RHCG: variants seen among roughly 807,000 people sequenced by gnomAD.
The protein encoded by RHCG is ammonium transporter Rh type C.
A neutral mutation model predicts 55.3 loss-of-function variants in RHCG; 39 were observed. The ratio of observed to expected loss-of-function variants is 0.70; its 90% CI spans 0.55 to 0.92. The LOEUF (loss-of-function observed/expected upper bound fraction) is 0.92, where lower values mean the gene tolerates loss of function less well. Among genes scored for constraint, RHCG ranks in the 40% least tolerant of loss-of-function variants. The pLI is 0.00. For synonymous variants in RHCG, 250 were observed against 246.8 expected, an observed-to-expected ratio of 1.01 and a Z score of -0.12; for missense variants, 635 against 627.9, an observed-to-expected ratio of 1.01 and a Z score of -0.12.
intron 10 of RHCG, among the ~76,000 whole-genome samples, 185 bp downstream of exon 10, chr15:89,472,526 G>A (rs953651987): frequency 6.6e-6 from 1 of 152,150 alleles, no homozygotes; most frequent in East Asian, 1.9e-4. Context: ...CTGGATGCAC[G>A]TTGTCTGACT....
At chr15:89,494,636 C>CTTT (rs199886940) in intron 1 of RHCG, among the ~76,000 whole-genome samples, 2 of 142,152 alleles carry the variant, frequency 1.4e-5, no homozygotes, top group African/African-American at 5.2e-5. Context: ...TCATTTCTTT[C>CTTT]TTTTTTTTTT....
chr15:89,479,488 C>G lies in RHCG; in HGVS notation c.671G>C (p.Gly224Ala). Residue 224 changes from glycine (G) to alanine (A), a missense_variant and splice_region_variant, in exon 5 of 11, where the codon GGC becomes GCC. Coordinates refer to ENST00000268122, the MANE Select transcript of RHCG (RefSeq NM_016321.3). ...CCAGTACATCCACAGGAAGAGGGTG[C>G]CTGGTCAGACCAGACAGGCCCAATG... ...VYQSDLFAMIGTLFLWMYWPS... is the reference protein window; with the variant it reads ...VYQSDLFAMIATLFLWMYWPS... 2 of 1,609,674 alleles carry G rather than the reference C, an allele frequency of 1.2e-6. No individual in the cohort carries two copies. Among genetic ancestry groups the G allele is most frequent in the Non-Finnish European group, 1.7e-6 (2 of 1,177,912 alleles).
At position 89,479,598 on chromosome 15, in the gene RHCG, G is replaced by A. The variant is rs56312001; in HGVS notation, c.671-110C>T. 0.02 allele frequency: 19,737 copies of A among 1,001,650 alleles called. 2,517 individuals are homozygous for A. The African/African-American group carries it at 0.28, about 14-fold the overall frequency. The allele number at this position is 1,001,650 out of a possible 1,614,324, so 62.0% of individuals were successfully genotyped here. On this transcript the variant is annotated intron_variant, in intron 4 of 10. Coordinates refer to ENST00000268122, the MANE Select transcript of RHCG (RefSeq NM_016321.3). ...AGCTCTAGAGATGACCCCACACCCA[G>A]CTGTTTCCACCTCTGCAGCTTTAGT...
At chr15:89,493,708 A>G (rs906919334) in intron 1 of RHCG, among the ~76,000 whole-genome samples, 6 of 152,074 alleles carry the variant, frequency 3.9e-5, no homozygotes, top group Non-Finnish European at 8.8e-5. Context: ...CGGTGAGTGG[A>G]GCGGGGGAAA....
chr15:89,480,227 C>A, intron 4 of RHCG, 34 bp downstream of exon 4: 1 of 1,612,946 alleles, frequency 6.2e-7, no homozygotes, highest in Non-Finnish European at 8.5e-7. Context: ...CTTCACCCAT[C>A]ATGGTGGCCC....
At position 89,477,241 on chromosome 15, in the gene RHCG, T is replaced by G. The variant is rs774583867; in HGVS notation, c.1113-35A>C. On this transcript the variant is annotated intron_variant, in intron 7 of 10. Transcript: ENST00000268122. This position sits in a 1 kb window ranked among gnomAD's most constrained non-coding sequence, Gnocchi z 4.5. The stretch of plus-strand genomic sequence containing the variant: ...AGACAGGGGGCAGGTCAGGGCCCCA[T>G]GGAGAGGCCAAGTAACAGCTTGCTG... The G allele has an allele frequency of 6.2e-7, 1 of 1,611,774 alleles. No homozygotes were observed. Among genetic ancestry groups the G allele is most frequent in the Non-Finnish European group, 8.5e-7 (1 of 1,178,634 alleles).
intron 1 of RHCG, among the ~76,000 whole-genome samples, chr15:89,495,784 G>A (rs535507131): frequency 6.6e-6 from 1 of 152,376 alleles, no homozygotes; most frequent in African/African-American, 2.4e-5. Flanking sequence ...CCTGAGGCCA[G>A]CCACCTGGTT....
At chr15:89,486,597 A>AGTGTGTGTGTGTGT (rs1441361243) in intron 2 of RHCG, 17 of 327,218 alleles carry the variant, frequency 5.2e-5, no homozygotes, top group African/African-American at 4.3e-4. Context: ...AGAGAGAGAG[A>AGTGTGTGTGTGTGT]GAGTGTGTGT....
intron 2 of RHCG, among the ~76,000 whole-genome samples, chr15:89,483,459 G>A (rs556412359): frequency 6.6e-6 from 1 of 152,196 alleles, no homozygotes; most frequent in Admixed American, 6.5e-5. Flanking sequence ...GCCCATCTCA[G>A]GCCCCCGCTG....
chr15:89,477,006 C>T lies in RHCG; in HGVS notation c.1237+76G>A, dbSNP rs1055730362. 16 of 1,599,970 alleles carry T rather than the reference C, an allele frequency of 1.0e-5. No homozygotes were observed. Among genetic ancestry groups the T allele is most frequent in the Admixed American group, 6.7e-5 (4 of 59,696 alleles). ...CCTGGGGGCTCAGGCTGACCTGTGC[C>T]GCATGCCCTTTGCTTCTCCACCCAG... On this transcript the variant is annotated intron_variant, in intron 8 of 10. Coordinates refer to ENST00000268122, the MANE Select transcript of RHCG (RefSeq NM_016321.3). The surrounding 1 kb of genome is among the most constrained non-coding windows in gnomAD (Gnocchi z 4.5).
chr15:89,480,508 C>T, intron 3 of RHCG, 100 bp from the exon 4 acceptor site: 1 of 1,402,320 alleles, frequency 7.1e-7, no homozygotes, highest in Non-Finnish European at 9.8e-7. Flanking sequence ...GAGCTCCAGC[C>T]TTCTCGGACT....
chr15:89,475,297 G>A lies in RHCG; in HGVS notation c.1311+1458C>T, dbSNP rs575793426. On this transcript the variant is annotated intron_variant, in intron 9 of 10. Coordinates refer to ENST00000268122, the MANE Select transcript of RHCG (RefSeq NM_016321.3). ...GTCATCCAGGCTGGAGGGCAGTGGC[G>A]CAATCACAGCTCACTGCAACCTCTG... Among the ~76,000 whole-genome samples, 45 of 151,674 alleles carry A rather than the reference G, an allele frequency of 3.0e-4. 1 individual carries two copies. In the South Asian group the frequency reaches 7.7e-3, roughly 26 times the overall value.
rs1412118719 is a variant in RHCG, at chr15:89,480,374, G to A, written c.557C>T (p.Thr186Ile). Reference sequence around the variant, plus strand: ...TGTGAGCCCAAAGTAGGCGCCAAATGTGTGGATGGTCATGGAGCCTCCTGC... The same window carrying A: ...TGTGAGCCCAAAGTAGGCGCCAAATATGTGGATGGTCATGGAGCCTCCTGC... ...KDAGGSMTIH[T>I]FGAYFGLTVT... The change falls in exon 4 of 11, where the codon ACA becomes ATA. Residue 186 changes from threonine to isoleucine, a missense_variant. Transcript: ENST00000268122. 1 of 1,614,090 alleles carries A rather than the reference G, an allele frequency of 6.2e-7. No individual in the cohort carries two copies. Among genetic ancestry groups the A allele is most frequent in the Admixed American group, 1.7e-5 (1 of 60,008 alleles).
intron 1 of RHCG, 25 bp downstream of exon 1, chr15:89,496,335 CT>C: frequency 5.0e-6 from 8 of 1,612,486 alleles, no homozygotes; most frequent in Non-Finnish European, 5.9e-6. Flanking sequence ...TATGCCTCCG[CT>C]GGGCCTGCAG....
At chr15:89,493,539 T>G (rs1288362205) in intron 1 of RHCG, among the ~76,000 whole-genome samples, 1 of 152,186 alleles carries the variant, frequency 6.6e-6, no homozygotes, top group African/African-American at 2.4e-5. Context: ...AAACGAGGCC[T>G]GCACAGCTGC....
intron 9 of RHCG, among the ~76,000 whole-genome samples, chr15:89,473,730 T>G (rs986442500): frequency 6.6e-6 from 1 of 152,220 alleles, no homozygotes; most frequent in Non-Finnish European, 1.5e-5. Context: ...ATGTAGGCTT[T>G]TATGCAAATA....
At chr15:89,478,364 ACATAGGCACGCACCAGCT>A (rs1961197142) in intron 5 of RHCG, among the ~76,000 whole-genome samples, 1 of 152,200 alleles carries the variant, frequency 6.6e-6, no homozygotes, top group Non-Finnish European at 1.5e-5. Flanking sequence ...TGGGGTCTAG[ACATAGGCACGCACCAGCT>A]GCTGCTGTCT....
chr15:89,487,694 G>A (rs973255345), intron 1 of RHCG, among the ~76,000 whole-genome samples: 2 of 152,148 alleles, frequency 1.3e-5, no homozygotes, highest in Non-Finnish European at 2.9e-5. Flanking sequence ...ATTTTAACTC[G>A]GGGCTTGGCA....
At chr15:89,480,485 A>C in intron 3 of RHCG, 77 bp from the exon 4 acceptor site, 2 of 1,522,202 alleles carry the variant, frequency 1.3e-6, no homozygotes, top group Non-Finnish European at 1.8e-6. Flanking sequence ...CTTGCCACAC[A>C]CACACACGCC....
Sources: gnomAD v4.1 joint callset for allele counts (sites outside exome capture counted in the v4.1 genomes callset) on GRCh38, gnomAD v4.1.1 for gene constraint, Gnocchi (gnomAD v3.1) non-coding constraint, MANE v1.5 for transcripts, NCBI Gene and HGNC (gene_info 2026-07-23, HGNC 2026-07-21) for gene names.